The following LHX6 variants were observed in gnomAD, a reference collection of about 807,000 sequenced individuals.
LHX6 encodes the protein LIM/homeobox protein Lhx6.
LHX6 carries 15 observed loss-of-function variants against 47.1 expected under a neutral mutation model. That is an observed-to-expected ratio of 0.32 (90% CI 0.21 to 0.49). The LOEUF is 0.49. LHX6 is among the 20% of genes least tolerant of loss of function. LHX6 has a pLI of 0.99. For missense variants in LHX6, 404 were observed against 539.6 expected (o/e 0.75, Z 2.49); for synonymous variants, 242 against 233.5 (o/e 1.04, Z -0.33).
intron 9 of LHX6, among the ~76,000 whole-genome samples, chr9:122,209,133 T>G (rs1210431656): frequency 6.6e-6 from 1 of 152,204 alleles, no homozygotes; most frequent in Non-Finnish European, 1.5e-5. Flanking sequence ...CTTTTAGAAG[T>G]GCAGTCCTAA....
intron 1 of LHX6, 143 bp downstream of exon 1, chr9:122,228,514 C>G: frequency 7.3e-7 from 1 of 1,364,504 alleles, no homozygotes; most frequent in Non-Finnish European, 9.5e-7. Flanking sequence ...CGCGCGCGCT[C>G]CCACACTCAC....
In LHX6 at chr9:122,213,921, A is replaced by G. The variant is rs1414619727; in HGVS notation, c.879+53T>C. The stretch of plus-strand genomic sequence containing the variant: ...ACCACCCTCCGCGCCGAGCCCAGCT[A>G]CGAGCTCCGGGGCGTGCCCGCGGTC... On this transcript the variant is annotated intron_variant, in intron 7 of 9. Coordinates refer to ENST00000394319, the MANE Select transcript of LHX6 (RefSeq NM_014368.5). This position sits in a 1 kb window ranked among gnomAD's most constrained non-coding sequence, Gnocchi z 5.5. 1.9e-6 allele frequency: 3 copies of G among 1,548,060 alleles called. No homozygotes were observed.
In LHX6 at chr9:122,226,121, AGAC is replaced by A. The variant is rs530830715; in HGVS notation, c.461+252_461+254del. On this transcript the variant is annotated intron_variant, in intron 4 of 9. Transcript: ENST00000394319. This position sits in a 1 kb window ranked among gnomAD's most constrained non-coding sequence, Gnocchi z 6.5. ...TAGGCAGGACCCGAGACAGAGCCAG[AGAC>A]GATACCGAAACCCAATGGACCGCGA... is the stretch of plus-strand genomic sequence containing the variant. Among the ~76,000 whole-genome samples, 421 of 152,282 alleles carry A rather than the reference AGAC, an allele frequency of 2.8e-3. No individual in the cohort carries two copies. The highest frequency in any genetic ancestry group is 9.8e-3 in the African/African-American group (406 of 41,572).
In LHX6 at chr9:122,218,592, T is replaced by G. The variant is rs1387039836; in HGVS notation, c.462-1304A>C. Among the ~76,000 whole-genome samples, 4 of 152,214 alleles carry G rather than the reference T, an allele frequency of 2.6e-5. No individual in the cohort carries two copies. In the East Asian group the frequency reaches 7.7e-4, roughly 29 times the overall value. On this transcript the variant is annotated intron_variant, in intron 4 of 9. Transcript: ENST00000394319. ...TGCCAACCCATCCTCCACAGAGCAG[T>G]CAAAGCAAAGTTTCCAGCATGCACA... is the stretch of plus-strand genomic sequence containing the variant.
rs1029813083 is a variant in LHX6, at chr9:122,213,328, G to T, written c.1054+278C>A. ...CCTTGTCCAGCCTGTTCTCTCCCCA[G>T]TCTCCGGGCACTGGCACATTGTGGG... On this transcript the variant is annotated intron_variant, in intron 8 of 9. Transcript: ENST00000394319. This position sits in a 1 kb window ranked among gnomAD's most constrained non-coding sequence, Gnocchi z 5.5. 1.3e-5 allele frequency among the ~76,000 whole-genome samples: 2 copies of T among 152,242 alleles called. No homozygotes were observed. Among genetic ancestry groups the T allele is most frequent in the Middle Eastern group, 3.4e-3 (1 of 294 alleles).
At chr9:122,212,671 G>A (rs1293537187) in intron 8 of LHX6, among the ~76,000 whole-genome samples, 2 of 152,062 alleles carry the variant, frequency 1.3e-5, no homozygotes, top group Non-Finnish European at 2.9e-5. Flanking sequence ...ACTCCTCCAG[G>A]TTCCCGCTCA....
chr9:122,227,359 G>T, intron 2 of LHX6, 50 bp downstream of exon 2: 1 of 1,457,432 alleles, frequency 6.9e-7, no homozygotes, highest in Non-Finnish European at 9.1e-7. Context: ...GGTCCCCAGG[G>T]CCGGGCCGCT....
intron 4 of LHX6, among the ~76,000 whole-genome samples, chr9:122,225,358 A>T (rs552441122): frequency 2.0e-5 from 3 of 152,352 alleles, no homozygotes; most frequent in South Asian, 2.1e-4. Flanking sequence ...TGGTGGTCCA[A>T]GCCTCAGGCC....
chr9:122,218,891 G>A (rs1347124621), intron 4 of LHX6, among the ~76,000 whole-genome samples: 1 of 151,754 alleles, frequency 6.6e-6, no homozygotes, highest in Admixed American at 6.6e-5. Context: ...AGAGTCCCAC[G>A]GCACCCTGCA....
At chr9:122,228,115 C>CGCCCGCCT (rs1226326274) in intron 1 of LHX6, 1 of 586,810 alleles carries the variant, frequency 1.7e-6, no homozygotes, top group African/African-American at 1.9e-5. Flanking sequence ...CCCGCCCGCC[C>CGCCCGCCT]GCCCGCCTGA....
chr9:122,227,188 G>C (rs1831139169), intron 2 of LHX6, 158 bp from the exon 3 acceptor site: 10 of 786,318 alleles, frequency 1.3e-5, no homozygotes, highest in Non-Finnish European at 1.7e-5. Context: ...GGGCCTATTG[G>C]AGAGGAAGGG....
At chr9:122,205,851 G>A (rs1320673256) in intron 9 of LHX6, among the ~76,000 whole-genome samples, 1 of 151,998 alleles carries the variant, frequency 6.6e-6, no homozygotes, top group African/African-American at 2.4e-5. Flanking sequence ...GCAGCTCAGA[G>A]AAACTAATTG....
chr9:122,209,536 G>C (rs1830317947), intron 9 of LHX6, 78 bp downstream of exon 9: 26 of 1,596,122 alleles, frequency 1.6e-5, no homozygotes, highest in Non-Finnish European at 2.1e-5. Context: ...GTACCAAATG[G>C]TTAACAGAGG....
intron 1 of LHX6, chr9:122,228,296 G>A (rs954078783): frequency 4.6e-6 from 7 of 1,534,802 alleles, no homozygotes; most frequent in Admixed American, 3.9e-5. Flanking sequence ...GCCCCTCGGC[G>A]CGCCGGGTAC....
intron 8 of LHX6, among the ~76,000 whole-genome samples, chr9:122,210,670 T>G (rs1489616140): frequency 6.6e-6 from 1 of 152,184 alleles, no homozygotes; most frequent in Non-Finnish European, 1.5e-5. Flanking sequence ...CAAGTGATTC[T>G]CCCACCTTAG....
rs1237134536 is a variant in LHX6 at position 122,226,005 on chromosome 9, ACG to A, written c.461+369_461+370del. Among the ~76,000 whole-genome samples, 6 of 152,168 alleles carry A rather than the reference ACG, an allele frequency of 3.9e-5. No individual in the cohort carries two copies. Among genetic ancestry groups the A allele is most frequent in the African/African-American group, 1.4e-4 (6 of 41,448 alleles). ...CCGAACGCACTGGAAATGCAGCCGG[ACG>A]ACGGCTGGGATCCGAGTGGGTCCGG... On this transcript the variant is annotated intron_variant, in intron 4 of 9. Transcript: ENST00000394319. The surrounding 1 kb of genome is among the most constrained non-coding windows in gnomAD (Gnocchi z 6.5).
At chr9:122,228,098 G>A (rs970319672) in intron 1 of LHX6, 23 of 609,994 alleles carry the variant, frequency 3.8e-5, no homozygotes, top group Non-Finnish European at 5.1e-5. Context: ...CCCGAGCGCG[G>A]TGAGCACCCG....
At position 122,204,563 on chromosome 9, in the gene LHX6, G is replaced by A. The variant is rs74370188; in HGVS notation, c.*197C>T. On this transcript the variant is annotated 3_prime_UTR_variant, in exon 10 of 10. Coordinates refer to ENST00000394319, the MANE Select transcript of LHX6 (RefSeq NM_014368.5). The stretch of plus-strand genomic sequence containing the variant: ...TGCCTTCCAAGAGGAGGACTCTGTG[G>A]TGCTCCTGGTGGGTTCTGGTTCTCA... 0.018 allele frequency: 8,912 copies of A among 488,592 alleles called. 121 individuals carry two copies. The highest frequency in any genetic ancestry group is 0.021 in the Non-Finnish European group (5,818 of 273,070). The allele number at this position is 488,592 out of a possible 1,614,324, so 30.3% of individuals were successfully genotyped here. A position where few individuals can be genotyped will look rare whatever the true frequency, so the allele number is the denominator to read the frequency against.
intron 1 of LHX6, 69 bp from the exon 2 acceptor site, chr9:122,227,549 G>A (rs1831165108): frequency 1.4e-6 from 2 of 1,447,298 alleles, no homozygotes; most frequent in Admixed American, 2.8e-5. Context: ...CCTGAGCCCA[G>A]CGCCTCCCCG....
Sources: gnomAD v4.1 joint callset for allele counts (sites outside exome capture counted in the v4.1 genomes callset) on GRCh38, gnomAD v4.1.1 for gene constraint, Gnocchi (gnomAD v3.1) non-coding constraint, MANE v1.5 for transcripts, NCBI Gene and HGNC (gene_info 2026-07-23, HGNC 2026-07-21) for gene names.